LRMDA: variants seen among roughly 807,000 people sequenced by gnomAD.
The protein encoded by LRMDA is leucine rich melanocyte differentiation associated, also known as leucine-rich melanocyte differentiation-associated protein.
In LRMDA, 18 loss-of-function variants were observed where a neutral mutation model predicts 29.8. That is an observed-to-expected ratio of 0.60 (90% confidence interval 0.42 to 0.90). The LOEUF (loss-of-function observed/expected upper bound fraction) is 0.90, where lower values mean the gene tolerates loss of function less well. Among genes scored for constraint, LRMDA ranks in the 40% least tolerant of loss-of-function variants. The pLI, the probability that LRMDA is intolerant of heterozygous loss-of-function variation, is 0.00. For missense variants in LRMDA, 273 were observed against 273.9 expected, an observed-to-expected ratio of 1.00 and a Z score of 0.02; for synonymous variants, 125 against 109.4, an observed-to-expected ratio of 1.14 and a Z score of -0.89.
intron 6 of LRMDA, among the ~76,000 whole-genome samples, chr10:76,393,700 C>G (rs1442629396): frequency 2.0e-5 from 3 of 151,960 alleles, no homozygotes; most frequent in Non-Finnish European, 4.4e-5. Flanking sequence ...CTTTTGTTGC[C>G]TATGCTTTTG....
At chr10:76,412,204 G>A (rs1405474345) in intron 6 of LRMDA, among the ~76,000 whole-genome samples, 1 of 152,194 alleles carries the variant, frequency 6.6e-6, no homozygotes, top group East Asian at 1.9e-4. Flanking sequence ...TTAAGAAAAG[G>A]TGCTTGTAGC....
intron 6 of LRMDA, among the ~76,000 whole-genome samples, chr10:76,346,709 C>T (rs1841113244): frequency 6.6e-6 from 1 of 152,156 alleles, no homozygotes; most frequent in African/African-American, 2.4e-5. Context: ...GGAAACATCT[C>T]ATAAAGTTGG....
chr10:76,178,415 G>T lies in LRMDA; in HGVS notation c.516+119632G>T, dbSNP rs185312501. Among the ~76,000 whole-genome samples the T allele has an allele frequency of 4.6e-5, 7 of 152,260 alleles. No individual in the cohort carries two copies. In the East Asian group the frequency reaches 1.2e-3, roughly 25 times the overall value. On this transcript the variant is annotated intron_variant, in intron 5 of 6. Coordinates refer to ENST00000611255, the MANE Select transcript of LRMDA (RefSeq NM_001305581.2). ...TGTAATTGAATACATTAATCCTGTG[G>T]CATTTTCACCCATTAGCACTGCAGC... is the stretch of plus-strand genomic sequence containing the variant.
At chr10:75,884,026 G>A (rs1845338091) in intron 2 of LRMDA, among the ~76,000 whole-genome samples, 1 of 151,834 alleles carries the variant, frequency 6.6e-6, no homozygotes, top group Admixed American at 6.6e-5. Context: ...AGCTGCTTTT[G>A]AATTTTTATT....
intron 6 of LRMDA, among the ~76,000 whole-genome samples, chr10:76,508,565 A>G (rs1842980867): frequency 6.7e-6 from 1 of 149,044 alleles, no homozygotes; most frequent in Non-Finnish European, 1.5e-5. Flanking sequence ...AGATTTGCCC[A>G]TTGGGAGACT....
At chr10:75,891,351 G>C (rs1370758025) in intron 2 of LRMDA, among the ~76,000 whole-genome samples, 1 of 152,196 alleles carries the variant, frequency 6.6e-6, no homozygotes, top group Non-Finnish European at 1.5e-5. Context: ...TAGAAATTCT[G>C]ATTGTTGGGT....
At chr10:75,811,505 C>T (rs769359665) in intron 2 of LRMDA, among the ~76,000 whole-genome samples, 2 of 152,192 alleles carry the variant, frequency 1.3e-5, no homozygotes, top group Admixed American at 6.5e-5. Context: ...GGCCTAGGCA[C>T]GGACTCAGGA....
chr10:75,551,101 C>A (rs1014992518), intron 2 of LRMDA, among the ~76,000 whole-genome samples: 5 of 147,000 alleles, frequency 3.4e-5, no homozygotes, highest in Non-Finnish European at 7.5e-5. Flanking sequence ...TGAAAATATT[C>A]TGTTTAAATA....
intron 6 of LRMDA, among the ~76,000 whole-genome samples, chr10:76,383,864 A>T (rs1841626592): frequency 6.6e-6 from 1 of 152,132 alleles, no homozygotes; most frequent in Non-Finnish European, 1.5e-5. Context: ...TTCTGAGACC[A>T]CTCAGTTTAA....
At chr10:75,900,461 T>C (rs551898313) in intron 2 of LRMDA, among the ~76,000 whole-genome samples, 1 of 152,258 alleles carries the variant, frequency 6.6e-6, no homozygotes, top group Admixed American at 6.5e-5. Flanking sequence ...TTCTTGAGGA[T>C]CAAAATAGCC....
intron 2 of LRMDA, among the ~76,000 whole-genome samples, chr10:75,908,192 A>G (rs1845787079): frequency 6.6e-6 from 1 of 152,248 alleles, no homozygotes; most frequent in Non-Finnish European, 1.5e-5. Flanking sequence ...TTTGACAAGT[A>G]GGAAAGCTGA....
chr10:75,706,751 T>C (rs1001682733), intron 2 of LRMDA, among the ~76,000 whole-genome samples: 7 of 150,732 alleles, frequency 4.6e-5, no homozygotes, highest in Non-Finnish European at 1.0e-4. Flanking sequence ...TTTTTTTTTT[T>C]CAGATGAGGA....
At position 75,461,352 on chromosome 10, in the gene LRMDA, G is replaced by A. The variant is rs546297325; in HGVS notation, c.131+22858G>A. On this transcript the variant is annotated intron_variant, in intron 2 of 6. Coordinates refer to ENST00000611255, the MANE Select transcript of LRMDA (RefSeq NM_001305581.2). ...GTTTTTTTTCCTTTGGGTATAGAGA[G>A]GGCTCCTCTTTAATGAAGGTCTTCT... is the stretch of plus-strand genomic sequence containing the variant. 9.2e-5 allele frequency among the ~76,000 whole-genome samples: 14 copies of A among 152,124 alleles called. 1 individual carries two copies. The highest frequency in any genetic ancestry group is 1.9e-4 in the Non-Finnish European group (13 of 68,020).
intron 2 of LRMDA, among the ~76,000 whole-genome samples, chr10:75,903,854 C>T (rs114726039): frequency 0.028 from 4,237 of 152,266 alleles, 195 homozygotes; most frequent in African/African-American, 0.097. Context: ...CCCTGCTTAG[C>T]CCCTAACTAG....
chr10:75,789,032 A>G (rs1843522237), intron 2 of LRMDA, among the ~76,000 whole-genome samples: 1 of 152,248 alleles, frequency 6.6e-6, no homozygotes, highest in Non-Finnish European at 1.5e-5. Context: ...TTTATAAAGA[A>G]CACTCACCAG....
At chr10:76,362,359 C>T (rs1841322958) in intron 6 of LRMDA, among the ~76,000 whole-genome samples, 1 of 152,126 alleles carries the variant, frequency 6.6e-6, no homozygotes, top group African/African-American at 2.4e-5. Flanking sequence ...GACCTTGGGC[C>T]AGTCACTTGA....
chr10:75,813,485 C>T lies in LRMDA; in HGVS notation c.132-222523C>T, dbSNP rs546795660. On this transcript the variant is annotated intron_variant, in intron 2 of 6. Coordinates refer to ENST00000611255, the MANE Select transcript of LRMDA (RefSeq NM_001305581.2). Reference sequence around the variant, plus strand: ...GCAAACCAATAAAGCTTTGAACCATCGCTTCACACTTAAGGAGTCTTTCCA... The same window carrying T: ...GCAAACCAATAAAGCTTTGAACCATTGCTTCACACTTAAGGAGTCTTTCCA... Among the ~76,000 whole-genome samples, 78 of 152,298 alleles carry T rather than the reference C, an allele frequency of 5.1e-4. 1 individual carries two copies. The South Asian group carries it at 0.011, about 22-fold the overall frequency.
chr10:76,309,363 G>A (rs1234077477), intron 5 of LRMDA, among the ~76,000 whole-genome samples: 1 of 152,038 alleles, frequency 6.6e-6, no homozygotes, highest in African/African-American at 2.4e-5. Context: ...GTAATAATGA[G>A]GCAACTGGAA....
intron 2 of LRMDA, among the ~76,000 whole-genome samples, chr10:75,857,478 C>A (rs80277249): frequency 0.011 from 1,748 of 152,220 alleles, 35 homozygotes; most frequent in African/African-American, 0.041. Flanking sequence ...AAAGATATCC[C>A]CAGAAGAGTG....
Sources: allele counts gnomAD v4.1 joint callset (sites outside exome capture counted in the v4.1 genomes callset), GRCh38; gene constraint gnomAD v4.1.1; transcripts MANE v1.5; gene names NCBI Gene and HGNC (gene_info 2026-07-23, HGNC 2026-07-21).